Variants in TCF7L2 observed in about 807,000 individuals in gnomAD.
TCF7L2 encodes the protein transcription factor 7 like 2, also known as transcription factor 7-like 2.
A neutral mutation model predicts 77.9 loss-of-function variants in TCF7L2; 23 were observed. That is an observed-to-expected ratio of 0.30 (90% CI 0.21 to 0.42). The LOEUF (loss-of-function observed/expected upper bound fraction) is 0.42, where lower values mean the gene tolerates loss of function less well. TCF7L2 is among the 10% of genes least tolerant of loss of function. The pLI is 1.00. For missense variants in TCF7L2, 654 were observed against 793.1 expected (o/e 0.82, Z 2.11); for synonymous variants, 413 against 340.2 (o/e 1.21, Z -2.36).
intron 5 of TCF7L2, among the ~76,000 whole-genome samples, chr10:113,101,199 C>G (rs955670655): frequency 6.6e-6 from 1 of 152,166 alleles, no homozygotes; most frequent in Non-Finnish European, 1.5e-5. Context: ...TTCCCTCTTT[C>G]AGATTTAATG....
At chr10:113,037,638 GA>G (rs1288907601) in intron 4 of TCF7L2, among the ~76,000 whole-genome samples, 9 of 152,164 alleles carry the variant, frequency 5.9e-5, no homozygotes, top group Non-Finnish European at 1.3e-4. Flanking sequence ...ATTGTATTAT[GA>G]GTATGACAGT....
chr10:112,966,184 TTATA>T (rs141060651), intron 4 of TCF7L2, among the ~76,000 whole-genome samples: 28,804 of 114,084 alleles, frequency 0.25, 4,571 homozygotes, highest in Middle Eastern at 0.35. Flanking sequence ...TAAAATATAT[TTATA>T]TATATATATA....
chr10:113,088,075 C>A (rs985817620), intron 5 of TCF7L2, among the ~76,000 whole-genome samples: 1 of 152,072 alleles, frequency 6.6e-6, no homozygotes, highest in Non-Finnish European at 1.5e-5. Context: ...ATGAAAAAAT[C>A]GTTCATGGAG....
intron 5 of TCF7L2, among the ~76,000 whole-genome samples, chr10:113,057,575 A>ATAAGTAACAGGGGAAAACATTT (rs1257037246): frequency 1.3e-5 from 2 of 152,248 alleles, no homozygotes; most frequent in African/African-American, 2.4e-5. Context: ...AAACCAGTAA[A>ATAAGTAACAGGGGAAAACATTT]TAAGTAACAG....
chr10:113,021,305 CT>C (rs1323891221), intron 4 of TCF7L2, among the ~76,000 whole-genome samples: 1 of 152,114 alleles, frequency 6.6e-6, no homozygotes, highest in Non-Finnish European at 1.5e-5. Context: ...GATGATTCTG[CT>C]ACTTATTATT....
intron 5 of TCF7L2, among the ~76,000 whole-genome samples, chr10:113,099,080 T>C (rs1169256778): frequency 6.6e-6 from 1 of 152,186 alleles, no homozygotes; most frequent in African/African-American, 2.4e-5. Context: ...CAAGTCTTGG[T>C]TGGATTTTCT....
At chr10:113,106,958 C>G (rs558923048) in intron 5 of TCF7L2, among the ~76,000 whole-genome samples, 1 of 152,166 alleles carries the variant, frequency 6.6e-6, no homozygotes, top group Admixed American at 6.5e-5. Flanking sequence ...TCAGGACCAC[C>G]CTGACTGAGT....
intron 11 of TCF7L2, among the ~76,000 whole-genome samples, chr10:113,153,777 C>T (rs917674737): frequency 4.9e-4 from 75 of 152,362 alleles, no homozygotes; most frequent in African/African-American, 1.8e-3. Flanking sequence ...TTTACTCCCT[C>T]AGAACTTAGC....
chr10:113,159,896 C>T (rs745990363), intron 12 of TCF7L2, 24 bp from the exon 14 acceptor site: 67 of 1,388,436 alleles, frequency 4.8e-5, no homozygotes, highest in Middle Eastern at 2.2e-4. Flanking sequence ...CTCCTCTGCT[C>T]GCTTCTCTCT....
Position 113,151,155 on chromosome 10 carries a change from T to C in TCF7L2, c.1001+32T>C. The stretch of plus-strand genomic sequence containing the variant: ...GTTGCTGTTTTTCTCACCTTCTTCG[T>C]AGCCGCAGTGTTCTGCAAGCCTGTT... On this transcript the variant is annotated intron_variant, in intron 9 of 13. Transcript: ENST00000627217. This position sits in a 1 kb window ranked among gnomAD's most constrained non-coding sequence, Gnocchi z 5.2. 6.2e-7 allele frequency: 1 copy of C among 1,613,996 alleles called. No individual in the cohort carries two copies. The highest frequency in any genetic ancestry group is 8.5e-7 in the Non-Finnish European group (1 of 1,179,906).
Position 112,966,192 on chromosome 10 carries a change from A to ATT in TCF7L2, c.450+1569_450+1570insTT, listed in dbSNP as rs1428395579. On this transcript the variant is annotated intron_variant, in intron 4 of 13. Coordinates refer to ENST00000627217, the MANE Select transcript of TCF7L2 (RefSeq NM_001146274.2). The stretch of plus-strand genomic sequence containing the variant: ...CTCTGTCTAAAATATATTTATATAT[A>ATT]TATATATATATATATATATTTTCTT... Among the ~76,000 whole-genome samples the ATT allele has an allele frequency of 2.4e-4, 32 of 135,956 alleles. 2 individuals carry two copies. Among genetic ancestry groups the ATT allele is most frequent in the Middle Eastern group, 3.8e-3 (1 of 266 alleles). The allele number at this position is 135,956 out of a possible 152,430, so 89.2% of individuals were successfully genotyped here. A position where few individuals can be genotyped will look rare whatever the true frequency, so the allele number is the denominator to read the frequency against.
chr10:113,059,344 A>C (rs1368225773), intron 5 of TCF7L2, among the ~76,000 whole-genome samples: 8 of 142,838 alleles, frequency 5.6e-5, no homozygotes, highest in Admixed American at 1.4e-4. Context: ...TCCTCCTCCC[A>C]CCCCCCACCC....
intron 5 of TCF7L2, among the ~76,000 whole-genome samples, chr10:113,070,541 T>C (rs962978110): frequency 2.0e-5 from 3 of 152,104 alleles, no homozygotes; most frequent in Non-Finnish European, 4.4e-5. Flanking sequence ...AATCATCATG[T>C]GCCAGGCACT....
At chr10:112,974,370 C>T (rs751862962) in intron 4 of TCF7L2, among the ~76,000 whole-genome samples, 2 of 152,190 alleles carry the variant, frequency 1.3e-5, no homozygotes, top group Admixed American at 6.5e-5. Context: ...ATCAGCCATA[C>T]GTGTGCCTCT....
intron 3 of TCF7L2, among the ~76,000 whole-genome samples, chr10:112,954,411 T>C (rs542914504): frequency 1.3e-5 from 2 of 152,358 alleles, no homozygotes; most frequent in African/African-American, 2.4e-5. Context: ...TTATGATGAA[T>C]AATACATTAT....
intron 5 of TCF7L2, among the ~76,000 whole-genome samples, chr10:113,065,085 A>T (rs747804277): frequency 6.6e-6 from 1 of 152,212 alleles, no homozygotes; most frequent in African/African-American, 2.4e-5. Context: ...TCCACCTGTC[A>T]TTGAATTACA....
chr10:112,983,666 C>T (rs939987926), intron 4 of TCF7L2, among the ~76,000 whole-genome samples: 2 of 152,072 alleles, frequency 1.3e-5, no homozygotes, highest in African/African-American at 4.8e-5. Flanking sequence ...CTCCAATTTG[C>T]CTCAAAGACA....
At chr10:113,000,097 A>G (rs945318747) in intron 4 of TCF7L2, among the ~76,000 whole-genome samples, 1 of 152,244 alleles carries the variant, frequency 6.6e-6, no homozygotes. Flanking sequence ...GGCTCTGAGA[A>G]GTCCTAAAGT....
chr10:113,129,816 T>A, intron 5 of TCF7L2: 1 of 1,289,056 alleles, frequency 7.8e-7, no homozygotes, highest in East Asian at 5.6e-5. Context: ...ATCTCGAAGG[T>A]ACAGAGAAAG....
Sources: gnomAD v4.1 joint callset for allele counts (sites outside exome capture counted in the v4.1 genomes callset) on GRCh38, gnomAD v4.1.1 for gene constraint, Gnocchi (gnomAD v3.1) non-coding constraint, MANE v1.5 for transcripts, NCBI Gene and HGNC (gene_info 2026-07-23, HGNC 2026-07-21) for gene names.